Variants in TLE7 observed in about 807,000 individuals in gnomAD.
TLE7 encodes the protein TLE family member 7.
Position 71,431,032 on chromosome 16 carries a change from G to A in TLE7, c.1147+89C>T. ...GGATCTCCCATTACGGAGGGAGCCAGAAAAGGAAAGGGGGGTGAACAGAGA... is the reference window on the plus strand; with the variant it reads ...GGATCTCCCATTACGGAGGGAGCCAAAAAAGGAAAGGGGGGTGAACAGAGA... On this transcript the variant is annotated intron_variant, in intron 8 of 9. Transcript: ENST00000561754. The surrounding 1 kb of genome is among the most constrained non-coding windows in gnomAD (Gnocchi z 4.5). 2 of 400,196 alleles carry A rather than the reference G, an allele frequency of 5.0e-6. No individual in the cohort carries two copies. The highest frequency in any genetic ancestry group is 4.1e-5 in the African/African-American group (2 of 48,800). 24.8% of individuals were successfully genotyped at this position (400,196 alleles called of 1,614,324 possible). A position where few individuals can be genotyped will look rare whatever the true frequency, so the allele number is the denominator to read the frequency against.
At chr16:71,441,639 C>G (rs570960863) in intron 1 of TLE7, among the ~76,000 whole-genome samples, 69 of 152,214 alleles carry the variant, frequency 4.5e-4, no homozygotes, top group Non-Finnish European at 9.0e-4. Flanking sequence ...CCAGGGGGCA[C>G]CAAGGGCCGG....
Position 71,431,614 on chromosome 16 carries a change from G to A in TLE7, c.852-52C>T. 2.5e-6 allele frequency: 1 copy of A among 400,556 alleles called. No homozygotes were observed. Among genetic ancestry groups the A allele is most frequent in the Admixed American group, 4.4e-5 (1 of 22,732 alleles). 24.8% of individuals were successfully genotyped at this position (400,556 alleles called of 1,614,324 possible). A position where few individuals can be genotyped will look rare whatever the true frequency, so the allele number is the denominator to read the frequency against. ...GGTCACTGAATGGTTTGGGCCCCCG[G>A]GAAGTTTCAGGGTCAGGAAGCCCCT... On this transcript the variant is annotated intron_variant, in intron 6 of 9. Coordinates refer to ENST00000561754, the MANE Select transcript of TLE7 (RefSeq NM_001367365.2). This position sits in a 1 kb window ranked among gnomAD's most constrained non-coding sequence, Gnocchi z 4.5.
At chr16:71,439,410 C>T (rs2042838848) in intron 1 of TLE7, among the ~76,000 whole-genome samples, 1 of 152,024 alleles carries the variant, frequency 6.6e-6, no homozygotes, top group South Asian at 2.1e-4. Flanking sequence ...GGGGCTGGAG[C>T]ACAGAGGGTG....
At chr16:71,437,846 A>T (rs67581429) in intron 1 of TLE7, among the ~76,000 whole-genome samples, 16,954 of 151,980 alleles carry the variant, frequency 0.11, 1,416 homozygotes, top group East Asian at 0.33. Flanking sequence ...CTGACCTCCA[A>T]TCTCCAAAGC....
rs1280165556 is a variant in TLE7, at chr16:71,432,902, A to G, written c.312-10T>C. 2.5e-6 allele frequency: 1 copy of G among 398,784 alleles called. No individual in the cohort carries two copies. The highest frequency in any genetic ancestry group is 4.4e-5 in the Admixed American group (1 of 22,724). 24.7% of individuals were successfully genotyped at this position (398,784 alleles called of 1,614,324 possible). ...AGAACCCAGTAGGAAGCTACAACAC[A>G]TGGAGAGAGGGAGGGAGGAGACAGA... On this transcript the variant is annotated splice_polypyrimidine_tract_variant and intron_variant, in intron 2 of 9. Coordinates refer to ENST00000561754, the MANE Select transcript of TLE7 (RefSeq NM_001367365.2).
intron 1 of TLE7, among the ~76,000 whole-genome samples, chr16:71,438,652 A>T (rs538083725): frequency 7.4e-6 from 1 of 136,040 alleles, no homozygotes; most frequent in East Asian, 2.1e-4. Context: ...ACTGCACTCC[A>T]GCCTGGGTAT....
intron 1 of TLE7, among the ~76,000 whole-genome samples, chr16:71,437,915 C>T (rs2042832580): frequency 6.6e-6 from 1 of 152,206 alleles, no homozygotes; most frequent in Non-Finnish European, 1.5e-5. Flanking sequence ...CCCAGAACGT[C>T]TGTGGCTGCC....
intron 1 of TLE7, among the ~76,000 whole-genome samples, chr16:71,439,503 G>A (rs1449512813): frequency 2.6e-5 from 4 of 151,958 alleles, no homozygotes; most frequent in Non-Finnish European, 4.4e-5. Flanking sequence ...TTCTGAGCTG[G>A]GGGAGACATA....
At chr16:71,434,931 C>T (rs1317405565) in intron 1 of TLE7, among the ~76,000 whole-genome samples, 1 of 152,204 alleles carries the variant, frequency 6.6e-6, no homozygotes, top group Admixed American at 6.5e-5. Flanking sequence ...AGCTGGAGAA[C>T]AGCAGCACTG....
intron 1 of TLE7, among the ~76,000 whole-genome samples, chr16:71,439,276 A>C (rs2042838438): frequency 6.6e-6 from 1 of 152,214 alleles, no homozygotes; most frequent in South Asian, 2.1e-4. Flanking sequence ...GGGAGTACGT[A>C]AGGTCAGAAG....
Position 71,431,800 on chromosome 16 carries a change from A to C in TLE7, c.812T>G (p.Phe271Cys). Residue 271 changes from phenylalanine to cysteine, a missense_variant, in exon 6 of 10, where the codon TTT becomes TGT. Transcript: ENST00000561754. This position sits in a 1 kb window ranked among gnomAD's most constrained non-coding sequence, Gnocchi z 4.5. ...GTTCTGCAAATCCCAAATCTCAACA[A>C]ATCCATGGAAACAAGCCAAACAGAT... ...AHICLACFHG[F>C]VEIWDLQNQI... is the part of the protein sequence containing the mutation. The C allele has an allele frequency of 2.5e-6, 1 of 400,726 alleles. No homozygotes were observed. The highest frequency in any genetic ancestry group is 1.3e-4 in the South Asian group (1 of 7,946). The allele number at this position is 400,726 out of a possible 1,614,324, so 24.8% of individuals were successfully genotyped here. A position where few individuals can be genotyped will look rare whatever the true frequency, so the allele number is the denominator to read the frequency against.
chr16:71,431,842 A>T lies in TLE7; in HGVS notation c.770T>A (p.Val257Asp). Residue 257 changes from valine (V) to aspartate (D), a missense_variant, in exon 6 of 10, where the codon GTC becomes GAC. By Grantham distance (152) the Val-to-Asp change is radical. Transcript: ENST00000561754. The surrounding 1 kb of genome is among the most constrained non-coding windows in gnomAD (Gnocchi z 4.5). ...STGPTCYSLA[V>D]SSDAHICLAC... is the part of the protein sequence containing the mutation. ...CAAACAGATATGGGCATCAGAGGAG[A>T]CAGCCAGAGAATAGCACGTGGGGCC... 2.5e-6 allele frequency: 1 copy of T among 400,800 alleles called. No individual in the cohort carries two copies. The highest frequency in any genetic ancestry group is 4.4e-6 in the Non-Finnish European group (1 of 226,300). 24.8% of individuals were successfully genotyped at this position (400,800 alleles called of 1,614,324 possible). A position where few individuals can be genotyped will look rare whatever the true frequency, so the allele number is the denominator to read the frequency against.
intron 1 of TLE7, among the ~76,000 whole-genome samples, chr16:71,434,305 G>C (rs2042818229): frequency 6.6e-6 from 1 of 152,172 alleles, no homozygotes; most frequent in Non-Finnish European, 1.5e-5. Context: ...CTGTGTCAGG[G>C]ACCAGAGCTT....
rs2042802658 is a variant in TLE7 at position 71,431,342 on chromosome 16, C to G, written c.994-68G>C. The G allele has an allele frequency of 2.5e-6, 1 of 399,294 alleles. No individual in the cohort carries two copies. Among genetic ancestry groups the G allele is most frequent in the South Asian group, 1.3e-4 (1 of 7,882 alleles). 24.7% of individuals were successfully genotyped at this position (399,294 alleles called of 1,614,324 possible). A position where few individuals can be genotyped will look rare whatever the true frequency, so the allele number is the denominator to read the frequency against. ...AACGCCATCCTTTGTGCCCACCTCT[C>G]AAGCTCACACTCCCACCCCTGCCTC... On this transcript the variant is annotated intron_variant, in intron 7 of 9. Coordinates refer to ENST00000561754, the MANE Select transcript of TLE7 (RefSeq NM_001367365.2). The surrounding 1 kb of genome is among the most constrained non-coding windows in gnomAD (Gnocchi z 4.5).
At position 71,430,117 on chromosome 16, in the gene TLE7, A is replaced by G. The variant is rs2145041246; in HGVS notation, c.*145T>C. ...TTAAAATCTGGGAGTGCAGGCTGAG[A>G]GCGGGCTACTGGAGGGGAGGGATGA... On this transcript the variant is annotated 3_prime_UTR_variant, in exon 10 of 10. Coordinates refer to ENST00000561754, the MANE Select transcript of TLE7 (RefSeq NM_001367365.2). 1 of 396,184 alleles carries G rather than the reference A, an allele frequency of 2.5e-6. No individual in the cohort carries two copies. The highest frequency in any genetic ancestry group is 3.6e-5 in the East Asian group (1 of 27,978). The allele number at this position is 396,184 out of a possible 1,614,324, so 24.5% of individuals were successfully genotyped here. A position where few individuals can be genotyped will look rare whatever the true frequency, so the allele number is the denominator to read the frequency against.
At position 71,431,211 on chromosome 16, in the gene TLE7, T is replaced by C; in HGVS notation, c.1057A>G (p.Ile353Val). 2.5e-6 allele frequency: 1 copy of C among 400,570 alleles called. No individual in the cohort carries two copies. The highest frequency in any genetic ancestry group is 4.4e-6 in the Non-Finnish European group (1 of 226,246). The allele number at this position is 400,570 out of a possible 1,614,324, so 24.8% of individuals were successfully genotyped here. ...TTCCGACGAGTGTGAAGGAACACGATATCACTCGTTCTCAGGCCCGCCAAT... is the reference window on the plus strand; with the variant it reads ...TTCCGACGAGTGTGAAGGAACACGACATCACTCGTTCTCAGGCCCGCCAAT... ...WVLAGLRTSD[I>V]VFLHTRRNEQ... Residue 353 changes from isoleucine (I) to valine (V), a missense_variant, in exon 8 of 10, where the codon ATC becomes GTC. Physicochemically the swap from Ile to Val is conservative, Grantham distance 29. Coordinates refer to ENST00000561754, the MANE Select transcript of TLE7 (RefSeq NM_001367365.2). The surrounding 1 kb of genome is among the most constrained non-coding windows in gnomAD (Gnocchi z 4.5).
chr16:71,439,966 A>G (rs1005072051), intron 1 of TLE7, among the ~76,000 whole-genome samples: 14 of 152,228 alleles, frequency 9.2e-5, no homozygotes, highest in Non-Finnish European at 8.8e-5. Flanking sequence ...GTGTCCCCCA[A>G]TTGAAGAATG....
chr16:71,431,387 G>C lies in TLE7; in HGVS notation c.993+34C>G, dbSNP rs999108852. 5.0e-6 allele frequency: 2 copies of C among 400,166 alleles called. No homozygotes were observed. Among genetic ancestry groups the C allele is most frequent in the Non-Finnish European group, 8.8e-6 (2 of 226,302 alleles). The allele number at this position is 400,166 out of a possible 1,614,324, so 24.8% of individuals were successfully genotyped here. On this transcript the variant is annotated intron_variant, in intron 7 of 9. Coordinates refer to ENST00000561754, the MANE Select transcript of TLE7 (RefSeq NM_001367365.2). This position sits in a 1 kb window ranked among gnomAD's most constrained non-coding sequence, Gnocchi z 4.5. The stretch of plus-strand genomic sequence containing the variant: ...TGCCTCCATGCATGGCTCCACTACA[G>C]GTGGCATTCTGCCAGTGGTGGCCAG...
chr16:71,433,504 G>C (rs2042815382), intron 1 of TLE7, 84 bp from the exon 2 acceptor site: 1 of 396,084 alleles, frequency 2.5e-6, no homozygotes, highest in East Asian at 3.6e-5. Context: ...GTCTCCTTTG[G>C]TGAAAAGATT....
Sources: allele counts gnomAD v4.1 joint callset (sites outside exome capture counted in the v4.1 genomes callset), GRCh38; gene constraint gnomAD v4.1.1; non-coding constraint Gnocchi (gnomAD v3.1); transcripts MANE v1.5; gene names NCBI Gene and HGNC (gene_info 2026-07-23, HGNC 2026-07-21).